Variants in KCNIP1 observed in about 807,000 individuals in gnomAD.
KCNIP1 encodes potassium voltage-gated channel interacting protein 1.
A neutral mutation model predicts 33.0 loss-of-function variants in KCNIP1; 18 were observed. That is an observed-to-expected ratio of 0.55 (90% CI 0.38 to 0.81). The LOEUF is 0.81. Among genes scored for constraint, KCNIP1 ranks in the 30% least tolerant of loss-of-function variants. The pLI, the probability that KCNIP1 is intolerant of heterozygous loss-of-function variation, is 0.00. For synonymous variants in KCNIP1, 93 were observed against 98.3 expected (o/e 0.95, Z 0.32); for missense variants, 238 against 271.6 (o/e 0.88, Z 0.87).
rs185270253 is a variant in KCNIP1 at position 170,635,669 on chromosome 5, G to A, written c.62-83089G>A. On this transcript the variant is annotated intron_variant, in intron 1 of 7. Coordinates refer to ENST00000328939, the MANE Select transcript of KCNIP1 (RefSeq NM_014592.4). ...TGTAAGGGACAAGGGGGCAGGTCCAGTTTCTGTCTTGTTTCAGGTTTTGTC... is the reference window on the plus strand; with the variant it reads ...TGTAAGGGACAAGGGGGCAGGTCCAATTTCTGTCTTGTTTCAGGTTTTGTC... Among the ~76,000 whole-genome samples, 263 of 152,356 alleles carry A rather than the reference G, an allele frequency of 1.7e-3. 1 individual carries two copies. Among genetic ancestry groups the A allele is most frequent in the Non-Finnish European group, 2.9e-3 (196 of 68,038 alleles).
chr5:170,688,020 T>TATA (rs3079440), intron 1 of KCNIP1, among the ~76,000 whole-genome samples: 106,544 of 151,852 alleles, frequency 0.7, 38,943 homozygotes, highest in East Asian at 0.94. Flanking sequence ...ATGACTGTAT[T>TATA]ATAATAGGTA....
chr5:170,404,476 C>T (rs1425648614), intron 1 of KCNIP1, among the ~76,000 whole-genome samples: 2 of 152,120 alleles, frequency 1.3e-5, no homozygotes, highest in Non-Finnish European at 2.9e-5. Context: ...CTGATCTCAG[C>T]TAGGATCACT....
Position 170,553,195 on chromosome 5 carries a change from C to T in KCNIP1, c.61+48562C>T, listed in dbSNP as rs201370507. Reference sequence around the variant, plus strand: ...CACAACTGCCCCATGAGGGACACCTCTGTCGAATCATAAAATCCTGAACAG... The same window carrying T: ...CACAACTGCCCCATGAGGGACACCTTTGTCGAATCATAAAATCCTGAACAG... On this transcript the variant is annotated intron_variant, in intron 1 of 7. Coordinates refer to ENST00000328939, the MANE Select transcript of KCNIP1 (RefSeq NM_014592.4). Among the ~76,000 whole-genome samples the T allele has an allele frequency of 5.3e-5, 8 of 152,368 alleles. No individual in the cohort carries two copies. In the East Asian group the frequency reaches 1.3e-3, roughly 26 times the overall value.
intron 1 of KCNIP1, among the ~76,000 whole-genome samples, chr5:170,439,786 A>G (rs1300816291): frequency 1.3e-5 from 2 of 152,228 alleles, no homozygotes; most frequent in Non-Finnish European, 2.9e-5. Flanking sequence ...GTCATGGGAC[A>G]CCAGGTGGGC....
At chr5:170,366,294 C>T (rs1763657970) in intron 1 of KCNIP1, among the ~76,000 whole-genome samples, 1 of 152,224 alleles carries the variant, frequency 6.6e-6, no homozygotes, top group Admixed American at 6.5e-5. Flanking sequence ...ATAGAGTCCA[C>T]CGGGGGCTCA....
intron 1 of KCNIP1, among the ~76,000 whole-genome samples, chr5:170,551,346 C>G (rs1180219518): frequency 6.6e-6 from 1 of 152,212 alleles, no homozygotes; most frequent in Non-Finnish European, 1.5e-5. Context: ...AGGGAACATA[C>G]CACATCTGAC....
At chr5:170,388,928 C>T (rs373883009) in intron 1 of KCNIP1, among the ~76,000 whole-genome samples, 187 of 152,312 alleles carry the variant, frequency 1.2e-3, no homozygotes, top group African/African-American at 4.0e-3. Context: ...GAAGTCTGGA[C>T]CCCTCTTGAT....
intron 1 of KCNIP1, among the ~76,000 whole-genome samples, chr5:170,555,882 C>T (rs910615157): frequency 6.6e-6 from 1 of 152,122 alleles, no homozygotes; most frequent in African/African-American, 2.4e-5. Context: ...TACAGGGACA[C>T]AAGGTAATGA....
At position 170,504,030 on chromosome 5, in the gene KCNIP1, C is replaced by T. The variant is rs1167681125; in HGVS notation, c.-543C>T. The T allele has an allele frequency of 5.1e-6, 5 of 985,496 alleles. No individual in the cohort carries two copies. The highest frequency in any genetic ancestry group is 6.2e-5 in the Admixed American group (1 of 16,180). 61.0% of individuals were successfully genotyped at this position (985,496 alleles called of 1,614,324 possible). A position where few individuals can be genotyped will look rare whatever the true frequency, so the allele number is the denominator to read the frequency against. The stretch of plus-strand genomic sequence containing the variant: ...CCCCTCCGCCGCTCCGACTCTCGCC[C>T]CGAGCGCTGGCAGCAGGCAGCAGGC... On this transcript the variant is annotated 5_prime_UTR_variant, in exon 1 of 8. Transcript: ENST00000328939. The surrounding 1 kb of genome is among the most constrained non-coding windows in gnomAD (Gnocchi z 6.0).
chr5:170,728,281 A>AAAAGATGATGTCTGACAGT (rs1319650789), intron 5 of KCNIP1, among the ~76,000 whole-genome samples: 4 of 152,246 alleles, frequency 2.6e-5, no homozygotes, highest in Admixed American at 6.5e-5. Flanking sequence ...ATGAGGCAAG[A>AAAAGATGATGTCTGACAGT]AAAGATGATG....
At chr5:170,384,725 C>T (rs569844877) in intron 1 of KCNIP1, among the ~76,000 whole-genome samples, 46 of 152,306 alleles carry the variant, frequency 3.0e-4, no homozygotes, top group African/African-American at 1.1e-3. Context: ...GAATTCACAG[C>T]TTTTCCTTAA....
intron 1 of KCNIP1, among the ~76,000 whole-genome samples, chr5:170,606,968 G>T (rs1194874696): frequency 6.6e-6 from 1 of 152,180 alleles, no homozygotes; most frequent in African/African-American, 2.4e-5. Context: ...CTGTCCCCTG[G>T]CCTGAGATCA....
At chr5:170,710,240 T>C (rs1763400009) in intron 1 of KCNIP1, among the ~76,000 whole-genome samples, 1 of 152,252 alleles carries the variant, frequency 6.6e-6, no homozygotes, top group Admixed American at 6.5e-5. Flanking sequence ...AAGTCACTTA[T>C]TATCTCTTAA....
intron 5 of KCNIP1, among the ~76,000 whole-genome samples, chr5:170,725,322 C>A (rs1038006462): frequency 6.6e-6 from 1 of 152,186 alleles, no homozygotes; most frequent in Non-Finnish European, 1.5e-5. Context: ...GGTACTTATA[C>A]ACAATGGAGT....
intron 1 of KCNIP1, among the ~76,000 whole-genome samples, chr5:170,623,496 G>A (rs958056270): frequency 3.3e-5 from 5 of 152,086 alleles, no homozygotes; most frequent in African/African-American, 7.2e-5. Context: ...ACAGGCGTGA[G>A]CCACCACGAC....
chr5:170,607,071 G>A (rs1290707795), intron 1 of KCNIP1, among the ~76,000 whole-genome samples: 1 of 152,206 alleles, frequency 6.6e-6, no homozygotes, highest in African/African-American at 2.4e-5. Context: ...GAGGCTAGAG[G>A]AAGGACCACC....
intron 1 of KCNIP1, among the ~76,000 whole-genome samples, chr5:170,584,283 T>C (rs933094500): frequency 1.3e-5 from 2 of 152,228 alleles, no homozygotes; most frequent in African/African-American, 2.4e-5. Flanking sequence ...TTGTTGTTTG[T>C]TCAATAGATA....
At chr5:170,447,667 C>T (rs2113060151) in intron 1 of KCNIP1, among the ~76,000 whole-genome samples, 1 of 152,170 alleles carries the variant, frequency 6.6e-6, no homozygotes, top group South Asian at 2.1e-4. Flanking sequence ...CCAGTTTCGT[C>T]ATGTTATTTC....
At position 170,484,941 on chromosome 5, in the gene KCNIP1, T is replaced by C. The variant is rs1248692286; in HGVS notation, c.88+130977T>C. Among the ~76,000 whole-genome samples, 5 of 82,250 alleles carry C rather than the reference T, an allele frequency of 6.1e-5. No homozygotes were observed. In the South Asian group the frequency reaches 1.7e-3, roughly 27 times the overall value. The allele number at this position is 82,250 out of a possible 152,430, so 54.0% of individuals were successfully genotyped here. ...TTTCTTTTTTTTGTTTTTTCTTTTTTCTTTTTTTTTTTTTTTGAGATGGAG... is the reference window on the plus strand; with the variant it reads ...TTTCTTTTTTTTGTTTTTTCTTTTTCCTTTTTTTTTTTTTTTGAGATGGAG... On this transcript the variant is annotated intron_variant, in intron 1 of 7. Coordinates refer to the KCNIP1 transcript ENST00000377360.
Sources: allele counts gnomAD v4.1 joint callset (sites outside exome capture counted in the v4.1 genomes callset), GRCh38; gene constraint gnomAD v4.1.1; non-coding constraint Gnocchi (gnomAD v3.1); transcripts MANE v1.5; gene names NCBI Gene and HGNC (gene_info 2026-07-23, HGNC 2026-07-21).